Variants in TRIP12 observed in about 807,000 individuals in gnomAD.
The protein encoded by TRIP12 is thyroid hormone receptor interactor 12, also known as E3 ubiquitin-protein ligase TRIP12.
In TRIP12, 25 loss-of-function variants were observed where a neutral mutation model predicts 244.2. The observed-to-expected ratio is 0.10, with a 90% CI of 0.07 to 0.14. The LOEUF is 0.14. Ranked by LOEUF, TRIP12 falls within the 10% of genes least tolerant of loss-of-function variation. The probability of loss-of-function intolerance (pLI) is 1.00; values close to 1 mark genes in which losing one functional copy is unlikely to be tolerated. For missense variants in TRIP12, 1,677 were observed against 2,486.4 expected, an observed-to-expected ratio of 0.67 and a Z score of 6.92; for synonymous variants, 905 against 873.1, an observed-to-expected ratio of 1.04 and a Z score of -0.64.
intron 4 of TRIP12, among the ~76,000 whole-genome samples, chr2:229,841,374 G>T (rs890288909): frequency 6.6e-6 from 1 of 152,146 alleles, no homozygotes; most frequent in East Asian, 1.9e-4. Flanking sequence ...AGAATAAAAT[G>T]AGTTATACCA....
chr2:229,820,700 T>A (rs2154289739), intron 8 of TRIP12, among the ~76,000 whole-genome samples: 1 of 152,316 alleles, frequency 6.6e-6, no homozygotes, highest in South Asian at 2.1e-4. Flanking sequence ...GCGATTCTCC[T>A]GCCTCAGCCT....
At position 229,768,685 on chromosome 2, in the gene TRIP12, T is replaced by C. The variant is rs749300014; in HGVS notation, c.5938A>G (p.Ser1980Gly). Residue 1980 changes from serine (S) to glycine (G), a missense_variant, in exon 41 of 42, where the codon AGT becomes GGT. Transcript: ENST00000675903. ...AACCTCTGCTGCTCATTATCAAAAC[T>C]ACTGAGAATCTCAAACAAAAACTTC... ...AVKFLFEILSSFDNEQQRLFL... is the reference protein window; with the variant it reads ...AVKFLFEILSGFDNEQQRLFL... 2.5e-6 allele frequency: 4 copies of C among 1,607,520 alleles called. No individual in the cohort carries two copies. The highest frequency in any genetic ancestry group is 2.7e-5 in the African/African-American group (2 of 74,412).
At chr2:229,838,568 C>T (rs1173051880) in intron 5 of TRIP12, among the ~76,000 whole-genome samples, 1 of 152,162 alleles carries the variant, frequency 6.6e-6, no homozygotes, top group Non-Finnish European at 1.5e-5. Context: ...TTGCAGAGAA[C>T]AGCAGGGCAA....
chr2:229,815,047 A>G, intron 11 of TRIP12, 52 bp downstream of exon 11: 1 of 1,392,182 alleles, frequency 7.2e-7, no homozygotes, highest in Non-Finnish European at 9.9e-7. Flanking sequence ...AAGAGTTTGA[A>G]ACTTGACTCC....
At chr2:229,915,722 G>T (rs931648767) in intron 1 of TRIP12, among the ~76,000 whole-genome samples, 3 of 151,878 alleles carry the variant, frequency 2.0e-5, no homozygotes, top group African/African-American at 7.3e-5. Context: ...TTGAGACAGG[G>T]TCTCACGGTC....
chr2:229,853,340 G>C (rs1035498945), intron 4 of TRIP12, among the ~76,000 whole-genome samples: 13 of 152,118 alleles, frequency 8.5e-5, no homozygotes, highest in Admixed American at 5.9e-4. Context: ...TCCACCCACT[G>C]AATCTAATTC....
At chr2:229,854,695 T>C (rs529185851) in intron 4 of TRIP12, among the ~76,000 whole-genome samples, 1 of 152,322 alleles carries the variant, frequency 6.6e-6, no homozygotes, top group South Asian at 2.1e-4. Context: ...TAAGAAACAT[T>C]ACCTGCCAAT....
chr2:229,772,396 A>G (rs1350399016), intron 38 of TRIP12, among the ~76,000 whole-genome samples: 1 of 152,232 alleles, frequency 6.6e-6, no homozygotes, highest in East Asian at 1.9e-4. Flanking sequence ...GGATAAGAAG[A>G]CAGTCCTACT....
intron 15 of TRIP12, among the ~76,000 whole-genome samples, chr2:229,810,339 A>T (rs1005967702): frequency 6.6e-6 from 1 of 152,202 alleles, no homozygotes; most frequent in Non-Finnish European, 1.5e-5. Context: ...TTTCCCACAC[A>T]CTGTGTAAAG....
At chr2:229,862,114 C>T (rs1373681680) in intron 2 of TRIP12, among the ~76,000 whole-genome samples, 3 of 151,990 alleles carry the variant, frequency 2.0e-5, no homozygotes, top group East Asian at 3.9e-4. Flanking sequence ...TGGAGTGCAG[C>T]GACACTATCT....
At chr2:229,795,842 T>C (rs1179387097) in intron 25 of TRIP12, among the ~76,000 whole-genome samples, 1 of 152,164 alleles carries the variant, frequency 6.6e-6, no homozygotes, top group Non-Finnish European at 1.5e-5. Context: ...TTCTAATGAA[T>C]CTCCAATAAA....
upstream of TRIP12, among the ~76,000 whole-genome samples, chr2:229,922,861 C>T (rs1049214628): frequency 1.3e-5 from 2 of 152,322 alleles, no homozygotes; most frequent in Admixed American, 1.3e-4. Flanking sequence ...GTGCTCCTTT[C>T]CCGCCACCCC....
At chr2:229,821,249 A>G (rs1049711308) in intron 8 of TRIP12, among the ~76,000 whole-genome samples, 2 of 152,180 alleles carry the variant, frequency 1.3e-5, no homozygotes, top group African/African-American at 4.8e-5. Context: ...TACCCATTAC[A>G]GCTTTTGCAC....
chr2:229,818,153 C>T (rs979289130), intron 9 of TRIP12, among the ~76,000 whole-genome samples: 5 of 152,096 alleles, frequency 3.3e-5, no homozygotes, highest in Admixed American at 2.6e-4. Context: ...GGTGACTATT[C>T]ATCAAAAAAA....
upstream of TRIP12, chr2:229,922,724 T>C: frequency 9.6e-7 from 1 of 1,044,556 alleles, no homozygotes; most frequent in Non-Finnish European, 1.4e-6. Context: ...AAGCGCCCAG[T>C]CCCGGCTCCG....
intron 4 of TRIP12, among the ~76,000 whole-genome samples, chr2:229,852,937 G>T (rs1017979080): frequency 6.6e-6 from 1 of 152,094 alleles, no homozygotes; most frequent in Non-Finnish European, 1.5e-5. Context: ...CAAATTATTG[G>T]GTTAAGAAGT....
chr2:229,808,459 A>T, intron 15 of TRIP12, 90 bp from the exon 16 acceptor site: 1 of 817,104 alleles, frequency 1.2e-6, no homozygotes, highest in East Asian at 2.6e-5. Flanking sequence ...GGGGAAAATA[A>T]TCAGAATCAT....
At chr2:229,802,199 C>T in intron 21 of TRIP12, 53 bp downstream of exon 21, 2 of 1,441,288 alleles carry the variant, frequency 1.4e-6, no homozygotes, top group East Asian at 2.4e-5. Flanking sequence ...TCTTAGGTAC[C>T]AAAGCAGCGC....
intron 8 of TRIP12, among the ~76,000 whole-genome samples, chr2:229,819,609 TC>T (rs1298926772): frequency 6.6e-6 from 1 of 152,222 alleles, no homozygotes; most frequent in Non-Finnish European, 1.5e-5. Context: ...ATGGACACTT[TC>T]CTACTTGAAA....
Sources: gnomAD v4.1 joint callset for allele counts (sites outside exome capture counted in the v4.1 genomes callset) on GRCh38, gnomAD v4.1.1 for gene constraint, MANE v1.5 for transcripts, NCBI Gene and HGNC (gene_info 2026-07-23, HGNC 2026-07-21) for gene names.